Variants in BRINP2 observed in about 807,000 individuals in gnomAD.
BRINP2 encodes BMP/retinoic acid inducible neural specific 2, also known as BMP/retinoic acid-inducible neural-specific protein 2.
Under a neutral mutation model 69.2 loss-of-function variants are expected in BRINP2, and 21 were observed. The ratio of observed to expected loss-of-function variants is 0.30; its 90% CI spans 0.22 to 0.44. The LOEUF (loss-of-function observed/expected upper bound fraction) is 0.44, where lower values mean the gene tolerates loss of function less well. Among genes scored for constraint, BRINP2 ranks in the 20% least tolerant of loss-of-function variants. The pLI is 1.00. For synonymous variants in BRINP2, 380 were observed against 394.1 expected (o/e 0.96, Z 0.42); for missense variants, 877 against 986.0 (o/e 0.89, Z 1.48).
At chr1:177,231,451 T>G (rs1649860010) in intron 2 of BRINP2, among the ~76,000 whole-genome samples, 1 of 152,214 alleles carries the variant, frequency 6.6e-6, no homozygotes, top group Admixed American at 6.5e-5. Flanking sequence ...TTTAAGAGTA[T>G]TCAGTACAGT....
At chr1:177,211,266 A>AT (rs1158371884) in intron 1 of BRINP2, among the ~76,000 whole-genome samples, 2 of 152,026 alleles carry the variant, frequency 1.3e-5, no homozygotes, top group African/African-American at 4.8e-5. Context: ...ATATAACTTT[A>AT]TTTTTTTCAT....
At chr1:177,206,733 T>TAG (rs1179255598) in intron 1 of BRINP2, among the ~76,000 whole-genome samples, 4 of 152,102 alleles carry the variant, frequency 2.6e-5, no homozygotes, top group Non-Finnish European at 4.4e-5. Context: ...TGAAAGGCAC[T>TAG]AGGACATGTG....
intron 1 of BRINP2, among the ~76,000 whole-genome samples, chr1:177,217,461 A>G (rs1415146651): frequency 6.6e-6 from 1 of 152,116 alleles, no homozygotes; most frequent in Non-Finnish European, 1.5e-5. Context: ...CATTTTTAAG[A>G]GGATTATTCT....
chr1:177,230,671 G>C (rs1389254616), intron 2 of BRINP2, among the ~76,000 whole-genome samples: 4 of 152,224 alleles, frequency 2.6e-5, no homozygotes, highest in African/African-American at 9.6e-5. Flanking sequence ...GTGGGAAAAA[G>C]GGGTTAGGCC....
At chr1:177,207,516 G>C (rs1649101635) in intron 1 of BRINP2, among the ~76,000 whole-genome samples, 6 of 152,138 alleles carry the variant, frequency 3.9e-5, no homozygotes, top group African/African-American at 1.4e-4. Context: ...TCAGAGGAGT[G>C]GGGTGCAACC....
Position 177,234,919 on chromosome 1 carries a change from C to G in BRINP2, c.269+4774C>G, listed in dbSNP as rs547797570. Among the ~76,000 whole-genome samples, 13 of 152,276 alleles carry G rather than the reference C, an allele frequency of 8.5e-5. No homozygotes were observed. The South Asian group carries it at 1.5e-3, about 17-fold the overall frequency. On this transcript the variant is annotated intron_variant, in intron 2 of 7. Coordinates refer to ENST00000361539, the MANE Select transcript of BRINP2 (RefSeq NM_021165.4). ...GCTGTAGGGCTACCAGGGATAGAAT[C>G]AGGTGATTGGTGAATGAGGCAGTAA... is the stretch of plus-strand genomic sequence containing the variant.
chr1:177,242,949 G>T (rs1217458456), intron 2 of BRINP2, among the ~76,000 whole-genome samples: 1 of 152,100 alleles, frequency 6.6e-6, no homozygotes, highest in Non-Finnish European at 1.5e-5. Context: ...CAGTTCTGCT[G>T]CTTTTAGTTG....
At chr1:177,211,589 G>C (rs567503868) in intron 1 of BRINP2, among the ~76,000 whole-genome samples, 1 of 152,150 alleles carries the variant, frequency 6.6e-6, no homozygotes, top group East Asian at 1.9e-4. Flanking sequence ...TGATTTCCTC[G>C]TTCTGTCCAG....
intron 1 of BRINP2, among the ~76,000 whole-genome samples, chr1:177,178,603 C>T (rs1028175079): frequency 6.6e-6 from 1 of 152,142 alleles, no homozygotes; most frequent in Admixed American, 6.5e-5. Flanking sequence ...TTGCCTCCCC[C>T]TCTAGACTCC....
In BRINP2 at chr1:177,241,794, G is replaced by A. The variant is rs143238021; in HGVS notation, c.269+11649G>A. ...ACTTCTTGCTTTCTGTGCCATTGTC[G>A]AAGACTAGCGACAGTGGTGCCAGGT... is the stretch of plus-strand genomic sequence containing the variant. On this transcript the variant is annotated intron_variant, in intron 2 of 7. Transcript: ENST00000361539. Among the ~76,000 whole-genome samples, 193 of 152,114 alleles carry A rather than the reference G, an allele frequency of 1.3e-3. 2 individuals carry two copies. Among genetic ancestry groups the A allele is most frequent in the East Asian group, 0.012 (61 of 5,170 alleles).
At position 177,218,257 on chromosome 1, in the gene BRINP2, A is replaced by G. The variant is rs556305624; in HGVS notation, c.-76-11544A>G. 7.9e-5 allele frequency among the ~76,000 whole-genome samples: 12 copies of G among 152,070 alleles called. No individual in the cohort carries two copies. The East Asian group carries it at 2.3e-3, about 30-fold the overall frequency. The stretch of plus-strand genomic sequence containing the variant: ...CCTGCTTGTTGTGGAAATTTGCTGC[A>G]GGGGGTCTTCTCTTACCTAGGCAGG... On this transcript the variant is annotated intron_variant, in intron 1 of 7. Transcript: ENST00000361539.
At chr1:177,277,820 T>C (rs943255451) in intron 6 of BRINP2, among the ~76,000 whole-genome samples, 1 of 152,036 alleles carries the variant, frequency 6.6e-6, no homozygotes, top group African/African-American at 2.4e-5. Flanking sequence ...ACCTGGTAGC[T>C]GCAGGTCCCA....
At chr1:177,175,636 A>C (rs983601784) in intron 1 of BRINP2, among the ~76,000 whole-genome samples, 1 of 152,202 alleles carries the variant, frequency 6.6e-6, no homozygotes, top group Non-Finnish European at 1.5e-5. Flanking sequence ...ATGAAAGTGG[A>C]ATGGCTTACC....
chr1:177,186,092 T>C (rs1276490700), intron 1 of BRINP2, among the ~76,000 whole-genome samples: 2 of 152,210 alleles, frequency 1.3e-5, no homozygotes, highest in East Asian at 3.9e-4. Context: ...TGCAGAATCC[T>C]GTGCCTACCA....
At position 177,281,268 on chromosome 1, in the gene BRINP2, C is replaced by A. The variant is rs764207765; in HGVS notation, c.2092C>A (p.Arg698=). Residue 698 remains arginine, a synonymous_variant, in exon 8 of 8, where the codon CGG becomes AGG. Transcript: ENST00000361539. ...YSLPFDPDAI[R]DLILQLDYPY... is the part of the protein sequence containing the mutation. Reference sequence around the variant, plus strand: ...CCTGCCCTTTGACCCAGATGCTATCCGGGACTTAATTCTCCAGTTGGACTA... The same window carrying A: ...CCTGCCCTTTGACCCAGATGCTATCAGGGACTTAATTCTCCAGTTGGACTA... 1 of 1,614,092 alleles carries A rather than the reference C, an allele frequency of 6.2e-7. No homozygotes were observed. Among genetic ancestry groups the A allele is most frequent in the African/African-American group, 1.3e-5 (1 of 75,004 alleles).
At chr1:177,210,179 A>G (rs1649183263) in intron 1 of BRINP2, among the ~76,000 whole-genome samples, 1 of 152,226 alleles carries the variant, frequency 6.6e-6, no homozygotes, top group African/African-American at 2.4e-5. Context: ...AAATAAAAAC[A>G]GCCTAACAAG....
intron 1 of BRINP2, among the ~76,000 whole-genome samples, chr1:177,215,265 A>G (rs1649342080): frequency 6.6e-6 from 1 of 152,154 alleles, no homozygotes; most frequent in South Asian, 2.1e-4. Flanking sequence ...ATCATATTCC[A>G]TTGTTTTTTC....
At chr1:177,213,392 G>T (rs960663955) in intron 1 of BRINP2, among the ~76,000 whole-genome samples, 2 of 152,054 alleles carry the variant, frequency 1.3e-5, no homozygotes, top group African/African-American at 2.4e-5. Flanking sequence ...TATTGCTAAA[G>T]GTCTCCTGGG....
chr1:177,242,599 G>A lies in BRINP2; in HGVS notation c.269+12454G>A, dbSNP rs116111599. Among the ~76,000 whole-genome samples, 523 of 152,166 alleles carry A rather than the reference G, an allele frequency of 3.4e-3. 2 individuals are homozygous for A. The highest frequency in any genetic ancestry group is 0.012 in the African/African-American group (497 of 41,494). On this transcript the variant is annotated intron_variant, in intron 2 of 7. Transcript: ENST00000361539. ...GTCTTCTTTGACTCCTACAAGAGTT[G>A]GTTACTCCTACCTATGATTCCCCAT...
Sources: allele counts gnomAD v4.1 joint callset (sites outside exome capture counted in the v4.1 genomes callset), GRCh38; gene constraint gnomAD v4.1.1; transcripts MANE v1.5; gene names NCBI Gene and HGNC (gene_info 2026-07-23, HGNC 2026-07-21).